Variants in OCA2 observed in about 807,000 individuals in gnomAD.
The protein encoded by OCA2 is P protein.
In OCA2, 77 loss-of-function variants were observed where a neutral mutation model predicts 100.2. That is an observed-to-expected ratio of 0.77 (90% CI 0.64 to 0.93). OCA2 has a LOEUF of 0.93. Among genes scored for constraint, OCA2 ranks in the 40% least tolerant of loss-of-function variants. The pLI is 0.00. For missense variants in OCA2, 1,062 were observed against 1,089.1 expected, an observed-to-expected ratio of 0.98 and a Z score of 0.35; for synonymous variants, 432 against 439.2, an observed-to-expected ratio of 0.98 and a Z score of 0.21.
chr15:28,095,941 GT>G (rs2044970020), intron 1 of OCA2, among the ~76,000 whole-genome samples: 1 of 152,100 alleles, frequency 6.6e-6, no homozygotes, highest in South Asian at 2.1e-4. Flanking sequence ...GCCCCAAATC[GT>G]CCCTAATGCG....
intron 18 of OCA2, chr15:27,950,441 C>A: frequency 2.2e-6 from 1 of 449,662 alleles, no homozygotes; most frequent in East Asian, 6.0e-5. Flanking sequence ...CCACCAAATA[C>A]AATTGAAATT....
chr15:27,774,355 C>A (rs1254833367), intron 23 of OCA2, among the ~76,000 whole-genome samples: 1 of 152,198 alleles, frequency 6.6e-6, no homozygotes, highest in African/African-American at 2.4e-5. Context: ...CTTCAGGCCC[C>A]CCGCGTTCTG....
In OCA2 at chr15:27,959,896, T is replaced by C. The variant is rs189172962; in HGVS notation, c.1637-2161A>G. On this transcript the variant is annotated intron_variant, in intron 15 of 23. Transcript: ENST00000354638. ...TAGTACACTTTTGTATTCCTAGTTG[T>C]GGAATGTAATATACAAATTATGAAG... Among the ~76,000 whole-genome samples the C allele has an allele frequency of 2.8e-4, 43 of 152,342 alleles. No homozygotes were observed. In the East Asian group the frequency reaches 8.1e-3, roughly 29 times the overall value.
At chr15:28,007,258 G>C (rs1186105698) in intron 9 of OCA2, among the ~76,000 whole-genome samples, 2 of 152,224 alleles carry the variant, frequency 1.3e-5, no homozygotes, top group Non-Finnish European at 2.9e-5. Flanking sequence ...TGTTCATTAA[G>C]ACTGTGTCAG....
intron 23 of OCA2, among the ~76,000 whole-genome samples, chr15:27,770,202 GT>G (rs936291402): frequency 2.0e-5 from 3 of 152,232 alleles, no homozygotes; most frequent in Non-Finnish European, 4.4e-5. Context: ...AAGCAAGAGC[GT>G]TTCCAGGCGG....
chr15:27,900,266 T>C (rs2037874400), intron 19 of OCA2, among the ~76,000 whole-genome samples: 1 of 152,016 alleles, frequency 6.6e-6, no homozygotes, highest in African/African-American at 2.4e-5. Flanking sequence ...AGACATATGA[T>C]ATATGAACAA....
chr15:27,975,440 C>T (rs1595748280), intron 14 of OCA2, among the ~76,000 whole-genome samples: 1 of 152,152 alleles, frequency 6.6e-6, no homozygotes, highest in East Asian at 1.9e-4. Context: ...CATCTATGAT[C>T]CAGTTTGAGT....
intron 23 of OCA2, among the ~76,000 whole-genome samples, chr15:27,777,211 C>T (rs2032287282): frequency 6.6e-6 from 1 of 152,142 alleles, no homozygotes; most frequent in Non-Finnish European, 1.5e-5. Context: ...TACTGCTGGA[C>T]TACGCTCTGG....
At chr15:27,954,390 T>C (rs1383734001) in intron 17 of OCA2, among the ~76,000 whole-genome samples, 2 of 152,148 alleles carry the variant, frequency 1.3e-5, no homozygotes, top group Non-Finnish European at 2.9e-5. Flanking sequence ...GCCATCCACA[T>C]GGGACAGAGT....
chr15:27,917,539 T>G (rs1003401778), intron 19 of OCA2, among the ~76,000 whole-genome samples: 1 of 152,298 alleles, frequency 6.6e-6, no homozygotes, highest in South Asian at 2.1e-4. Context: ...AGTGCTCTCA[T>G]GGTCCTGTGA....
chr15:27,918,834 G>C (rs1341953498), intron 19 of OCA2, among the ~76,000 whole-genome samples: 2 of 152,110 alleles, frequency 1.3e-5, no homozygotes, highest in African/African-American at 4.8e-5. Context: ...TTATCATTGG[G>C]ATACTGCAGC....
chr15:28,057,959 G>A (rs2043755568), intron 2 of OCA2, among the ~76,000 whole-genome samples: 1 of 152,200 alleles, frequency 6.6e-6, no homozygotes, highest in African/African-American at 2.4e-5. Context: ...TCACACACCG[G>A]GAGGCAGCCT....
At chr15:27,806,978 C>T (rs1027712016) in intron 23 of OCA2, among the ~76,000 whole-genome samples, 5 of 152,156 alleles carry the variant, frequency 3.3e-5, no homozygotes, top group African/African-American at 1.2e-4. Context: ...CAGGGTCCTG[C>T]CCACCTCAGA....
chr15:27,997,927 T>G (rs1309134206), intron 9 of OCA2, among the ~76,000 whole-genome samples: 1 of 128,526 alleles, frequency 7.8e-6, no homozygotes, highest in African/African-American at 2.5e-5. Context: ...AGTATTTTAT[T>G]CTCTTTGAAG....
chr15:27,901,644 C>T (rs2037937686), intron 19 of OCA2, among the ~76,000 whole-genome samples: 1 of 152,232 alleles, frequency 6.6e-6, no homozygotes, highest in South Asian at 2.1e-4. Flanking sequence ...AAAGATGTTC[C>T]TTACATGACT....
the OCA2 span, among the ~76,000 whole-genome samples, chr15:27,741,542 A>G: frequency 7.2e-5 from 11 of 152,330 alleles, no homozygotes; most frequent in East Asian, 1.4e-3. Context: ...CAGAATCCTG[A>G]GTACGGTTGG....
chr15:27,907,831 C>T (rs913167019), intron 19 of OCA2, among the ~76,000 whole-genome samples: 1 of 152,110 alleles, frequency 6.6e-6, no homozygotes, highest in African/African-American at 2.4e-5. Context: ...CTTAAACAGA[C>T]CTATTTCCAA....
intron 8 of OCA2, among the ~76,000 whole-genome samples, chr15:28,015,840 A>G (rs2042373568): frequency 6.6e-6 from 1 of 152,220 alleles, no homozygotes; most frequent in African/African-American, 2.4e-5. Flanking sequence ...ACAGCTTCAC[A>G]TTAATGAAAT....
intron 18 of OCA2, among the ~76,000 whole-genome samples, chr15:27,942,713 C>T (rs1044810153): frequency 2.6e-5 from 4 of 152,088 alleles, no homozygotes; most frequent in African/African-American, 9.7e-5. Context: ...TCTCTCTCCC[C>T]CATGATTTCA....
Sources: allele counts gnomAD v4.1 joint callset (sites outside exome capture counted in the v4.1 genomes callset), GRCh38; gene constraint gnomAD v4.1.1; transcripts MANE v1.5; gene names NCBI Gene and HGNC (gene_info 2026-07-23, HGNC 2026-07-21).